The following NRG1 variants were observed in gnomAD, a reference collection of about 807,000 sequenced individuals.
NRG1 encodes the protein pro-neuregulin-1, membrane-bound isoform.
Under a neutral mutation model 63.8 loss-of-function variants are expected in NRG1, and 18 were observed. The observed-to-expected ratio is 0.28, with a 90% CI of 0.19 to 0.42. NRG1 has a LOEUF of 0.42. Ranked by LOEUF, NRG1 falls within the 10% of genes least tolerant of loss-of-function variation. The probability of loss-of-function intolerance (pLI) is 1.00; values close to 1 mark genes in which losing one functional copy is unlikely to be tolerated. For synonymous variants in NRG1, 302 were observed against 301.3 expected, an observed-to-expected ratio of 1.00 and a Z score of -0.02; for missense variants, 762 against 814.7, an observed-to-expected ratio of 0.94 and a Z score of 0.79.
At chr8:32,657,876 A>C (rs1282737702) in intron 5 of NRG1, among the ~76,000 whole-genome samples, 1 of 152,188 alleles carries the variant, frequency 6.6e-6, no homozygotes, top group Non-Finnish European at 1.5e-5. Flanking sequence ...TCTTTAAAGC[A>C]AGCTGAATTT....
intron 1 of NRG1, among the ~76,000 whole-genome samples, chr8:32,470,677 G>A (rs572566304): frequency 1.3e-5 from 2 of 152,292 alleles, no homozygotes; most frequent in African/African-American, 4.8e-5. Flanking sequence ...TGTGTTTGCT[G>A]GTACTGAATC....
chr8:31,788,648 T>A (rs1820405542), intron 1 of NRG1, among the ~76,000 whole-genome samples: 1 of 152,186 alleles, frequency 6.6e-6, no homozygotes, highest in South Asian at 2.1e-4. Flanking sequence ...AGTGATTTGT[T>A]GTTGTTGAGC....
intron 7 of NRG1, among the ~76,000 whole-genome samples, chr8:32,748,358 C>CACACACAGAGAGAGAGAGAGAGAG: frequency 8.2e-6 from 1 of 121,962 alleles, no homozygotes; most frequent in Admixed American, 8.7e-5. Flanking sequence ...CACACACACA[C>CACACACAGAGAGAGAGAGAGAGAG]AGAGAGAGAG....
intron 1 of NRG1, among the ~76,000 whole-genome samples, chr8:31,708,453 T>TG (rs1428294901): frequency 6.6e-6 from 1 of 150,712 alleles, no homozygotes; most frequent in Non-Finnish European, 1.5e-5. Context: ...ATTGTTTTTT[T>TG]TTTTTTTTTT....
intron 1 of NRG1, among the ~76,000 whole-genome samples, chr8:31,687,430 G>A (rs776352400): frequency 2.0e-5 from 3 of 152,200 alleles, no homozygotes; most frequent in Non-Finnish European, 2.9e-5. Flanking sequence ...TGTAAGGCCT[G>A]TAGCCCCTTT....
chr8:31,883,550 C>T (rs552550733), intron 1 of NRG1, among the ~76,000 whole-genome samples: 1 of 152,030 alleles, frequency 6.6e-6, no homozygotes, highest in African/African-American at 2.4e-5. Context: ...CAAAAGTGTT[C>T]CTTTTATTTG....
At chr8:31,706,791 T>A (rs1449545633) in intron 1 of NRG1, among the ~76,000 whole-genome samples, 1 of 152,220 alleles carries the variant, frequency 6.6e-6, no homozygotes, top group Non-Finnish European at 1.5e-5. Context: ...TTTCTTATTA[T>A]GAGTGAAGTA....
chr8:32,293,319 A>G (rs935300112), intron 1 of NRG1, among the ~76,000 whole-genome samples: 1 of 152,132 alleles, frequency 6.6e-6, no homozygotes, highest in African/African-American at 2.4e-5. Context: ...AGATAGACAC[A>G]CAGGGAAGGC....
intron 1 of NRG1, among the ~76,000 whole-genome samples, chr8:32,340,658 A>G (rs930459382): frequency 5.9e-5 from 9 of 152,218 alleles, no homozygotes; most frequent in African/African-American, 2.2e-4. Context: ...TGGATTCAGT[A>G]TCATTATCTC....
At chr8:32,040,711 C>CATATAT (rs67857068) in intron 1 of NRG1, among the ~76,000 whole-genome samples, 2 of 85,298 alleles carry the variant, frequency 2.3e-5, no homozygotes, top group African/African-American at 8.6e-5. Context: ...GAAATTTAGG[C>CATATAT]ATATATATAT....
In NRG1 at chr8:32,695,484, A is replaced by G. The variant is rs1347654596; in HGVS notation, c.503-32465A>G. On this transcript the variant is annotated intron_variant, in intron 5 of 11. Transcript: ENST00000356819. ...TACCCTTATCACAGTTTTATGGGAA[A>G]GTACACAAATGAGTAAAATGCAAAA... Among the ~76,000 whole-genome samples, 5 of 152,266 alleles carry G rather than the reference A, an allele frequency of 3.3e-5. No individual in the cohort carries two copies. In the East Asian group the frequency reaches 9.6e-4, roughly 29 times the overall value.
chr8:31,704,874 T>C (rs891981583), intron 1 of NRG1, among the ~76,000 whole-genome samples: 2 of 151,534 alleles, frequency 1.3e-5, no homozygotes, highest in African/African-American at 4.8e-5. Flanking sequence ...TGATTCTCTC[T>C]CTCAAATAAA....
intron 6 of NRG1, among the ~76,000 whole-genome samples, chr8:32,730,908 ATTC>A (rs1230563960): frequency 2.0e-5 from 3 of 152,142 alleles, no homozygotes; most frequent in Non-Finnish European, 4.4e-5. Flanking sequence ...AGGTCCTTAA[ATTC>A]TTCTCCTTTT....
intron 1 of NRG1, among the ~76,000 whole-genome samples, chr8:31,733,475 C>A (rs1814326635): frequency 6.6e-6 from 1 of 152,156 alleles, no homozygotes; most frequent in Non-Finnish European, 1.5e-5. Context: ...TTGTTTGAAT[C>A]CTGGCCATGT....
chr8:32,732,911 G>A (rs961321099), intron 6 of NRG1, among the ~76,000 whole-genome samples: 3 of 148,360 alleles, frequency 2.0e-5, no homozygotes, highest in African/African-American at 4.9e-5. Flanking sequence ...AGGTTCAAGC[G>A]ATTCTCCTGC....
chr8:32,354,291 C>A (rs1232585096), intron 1 of NRG1, among the ~76,000 whole-genome samples: 1 of 152,124 alleles, frequency 6.6e-6, no homozygotes, highest in Non-Finnish European at 1.5e-5. Context: ...ATCGCTAGAA[C>A]CCGGGAGGCA....
intron 1 of NRG1, among the ~76,000 whole-genome samples, chr8:31,765,791 A>G (rs762172859): frequency 2.0e-5 from 3 of 152,130 alleles, no homozygotes; most frequent in Non-Finnish European, 4.4e-5. Context: ...CTCTTTTATC[A>G]GGCCAGGATT....
chr8:32,223,923 G>A (rs1210226324), intron 1 of NRG1, among the ~76,000 whole-genome samples: 56 of 152,062 alleles, frequency 3.7e-4, no homozygotes, highest in Admixed American at 3.7e-3. Context: ...TAGAGAGAGA[G>A]GTGAGATGTA....
chr8:32,394,258 C>T (rs1812155673), intron 1 of NRG1, among the ~76,000 whole-genome samples: 1 of 152,200 alleles, frequency 6.6e-6, no homozygotes, highest in Non-Finnish European at 1.5e-5. Context: ...CCCCCATCTC[C>T]ATGCTGAGTA....
Sources: gnomAD v4.1 joint callset for allele counts (sites outside exome capture counted in the v4.1 genomes callset) on GRCh38, gnomAD v4.1.1 for gene constraint, MANE v1.5 for transcripts, NCBI Gene and HGNC (gene_info 2026-07-23, HGNC 2026-07-21) for gene names.